Variants in PBX1 observed in about 807,000 individuals in gnomAD.
PBX1 encodes PBX homeobox 1, also known as pre-B-cell leukemia transcription factor 1.
PBX1 carries 6 observed loss-of-function variants against 53.4 expected under a neutral mutation model. The observed-to-expected ratio is 0.11, with a 90% CI of 0.06 to 0.22. PBX1 has a LOEUF of 0.22. Ranked by LOEUF, PBX1 falls within the 10% of genes least tolerant of loss-of-function variation. The probability of loss-of-function intolerance (pLI) is 1.00; values close to 1 mark genes in which losing one functional copy is unlikely to be tolerated. For synonymous variants in PBX1, 204 were observed against 212.3 expected (o/e 0.96, Z 0.34); for missense variants, 251 against 551.4 (o/e 0.46, Z 5.46).
At chr1:164,702,607 G>A (rs1557952952) in intron 2 of PBX1, among the ~76,000 whole-genome samples, 1 of 152,076 alleles carries the variant, frequency 6.6e-6, no homozygotes, top group East Asian at 1.9e-4. Flanking sequence ...GTGCTTGACT[G>A]TGTGCTTCTA....
At chr1:164,564,227 G>T (rs978369366) in intron 2 of PBX1, among the ~76,000 whole-genome samples, 1 of 152,088 alleles carries the variant, frequency 6.6e-6, no homozygotes, top group African/African-American at 2.4e-5. Context: ...TTACCCGCTC[G>T]CTTTAGAGCA....
intron 2 of PBX1, among the ~76,000 whole-genome samples, chr1:164,875,895 T>A (rs971847813): frequency 5.3e-5 from 8 of 151,516 alleles, no homozygotes; most frequent in Non-Finnish European, 8.8e-5. Flanking sequence ...TAATGCTTAT[T>A]TGTATTCATT....
chr1:164,763,485 G>C (rs1666910945), intron 2 of PBX1, among the ~76,000 whole-genome samples: 1 of 152,220 alleles, frequency 6.6e-6, no homozygotes, highest in African/African-American at 2.4e-5. Flanking sequence ...TTACAAGGGA[G>C]TCTTGGACAT....
intron 2 of PBX1, among the ~76,000 whole-genome samples, chr1:164,658,675 G>A (rs10918054): frequency 6.6e-6 from 1 of 152,116 alleles, no homozygotes; most frequent in African/African-American, 2.4e-5. Context: ...TTATGACCTT[G>A]GATGGGCTAT....
At chr1:164,565,742 G>C (rs1188911720) in intron 2 of PBX1, among the ~76,000 whole-genome samples, 2 of 149,936 alleles carry the variant, frequency 1.3e-5, no homozygotes, top group African/African-American at 4.9e-5. Flanking sequence ...CTGTAAAGTT[G>C]CAGGAGCTTT....
chr1:164,690,063 A>G (rs1408643523), intron 2 of PBX1, among the ~76,000 whole-genome samples: 3 of 152,182 alleles, frequency 2.0e-5, no homozygotes, highest in African/African-American at 4.8e-5. Context: ...TTGCAGGGTG[A>G]CATATGGTAC....
intron 2 of PBX1, among the ~76,000 whole-genome samples, chr1:164,748,065 T>C (rs760124100): frequency 6.6e-6 from 1 of 152,128 alleles, no homozygotes. Flanking sequence ...ATGGGCACCA[T>C]TCGTGTTTTT....
chr1:164,701,771 T>C (rs1405293834), intron 2 of PBX1, among the ~76,000 whole-genome samples: 2 of 152,110 alleles, frequency 1.3e-5, no homozygotes. Context: ...GCATTTTGTA[T>C]TTTTTGACCG....
At chr1:164,756,013 AAAG>A (rs1426853124) in intron 2 of PBX1, among the ~76,000 whole-genome samples, 2 of 151,222 alleles carry the variant, frequency 1.3e-5, no homozygotes, top group Non-Finnish European at 3.0e-5. Context: ...AAAAAAAAAA[AAAG>A]AAAGAAAAAA....
chr1:164,846,070 A>G (rs977937398), intron 8 of PBX1, among the ~76,000 whole-genome samples: 3 of 152,014 alleles, frequency 2.0e-5, no homozygotes, highest in Admixed American at 6.6e-5. Context: ...TTATATACCC[A>G]TGAGCATCTA....
At chr1:164,598,781 G>T (rs999188882) in intron 2 of PBX1, among the ~76,000 whole-genome samples, 1 of 152,134 alleles carries the variant, frequency 6.6e-6, no homozygotes, top group East Asian at 1.9e-4. Flanking sequence ...ACCTGAAATA[G>T]CTTGACATTG....
chr1:164,814,833 C>T (rs1440687219), intron 6 of PBX1: 1 of 152,242 alleles, frequency 6.6e-6, no homozygotes, highest in East Asian at 1.9e-4. Context: ...GAGAACAGCA[C>T]TTCAGTAAGA....
chr1:164,638,109 G>A (rs1618566), intron 2 of PBX1, among the ~76,000 whole-genome samples: 45,341 of 152,186 alleles, frequency 0.3, 7,538 homozygotes, highest in Middle Eastern at 0.41. Context: ...AAGGGCACTC[G>A]TACTGCTGCT....
chr1:164,751,314 CAAA>C (rs527755578), intron 2 of PBX1, among the ~76,000 whole-genome samples: 10 of 78,922 alleles, frequency 1.3e-4, no homozygotes, highest in Admixed American at 1.5e-4. Flanking sequence ...GACTCTGTCT[CAAA>C]AAAAAAAAAA....
chr1:164,834,067 G>GTGTGTGTA (rs1558035612), intron 8 of PBX1, among the ~76,000 whole-genome samples: 1 of 149,110 alleles, frequency 6.7e-6, no homozygotes, highest in Non-Finnish European at 1.5e-5. Context: ...GTGTGTGTGT[G>GTGTGTGTA]TGTATTCAGA....
intron 2 of PBX1, among the ~76,000 whole-genome samples, chr1:164,747,861 A>G (rs1281059845): frequency 6.6e-6 from 1 of 152,106 alleles, no homozygotes; most frequent in Non-Finnish European, 1.5e-5. Flanking sequence ...AATTTTGTTT[A>G]GATTGGAGGT....
At chr1:164,770,903 A>C (rs1667332971) in intron 2 of PBX1, 1 of 152,192 alleles carries the variant, frequency 6.6e-6, no homozygotes, top group Non-Finnish European at 1.5e-5. Flanking sequence ...GTGTTGGGCC[A>C]ATCCTTTTCA....
At position 164,847,073 on chromosome 1, in the gene PBX1, A is replaced by T; in HGVS notation, c.*397A>T. ...ATAATAAAAGTGTTTGTACGTTTTC[A>T]TGCTGGTGGTTTGAGGAGCCAAATT... On this transcript the variant is annotated 3_prime_UTR_variant, in exon 9 of 9. Coordinates refer to ENST00000420696, the MANE Select transcript of PBX1 (RefSeq NM_002585.4). The T allele has an allele frequency of 1.8e-6, 2 of 1,101,286 alleles. No individual in the cohort carries two copies. Among genetic ancestry groups the T allele is most frequent in the Non-Finnish European group, 2.2e-6 (2 of 899,196 alleles). The allele number at this position is 1,101,286 out of a possible 1,614,324, so 68.2% of individuals were successfully genotyped here.
At chr1:164,600,816 G>A (rs1402906353) in intron 2 of PBX1, among the ~76,000 whole-genome samples, 1 of 152,154 alleles carries the variant, frequency 6.6e-6, no homozygotes, top group Non-Finnish European at 1.5e-5. Flanking sequence ...TGGTCACACC[G>A]ATCAAGATTG....
Sources: gnomAD v4.1 joint callset for allele counts (sites outside exome capture counted in the v4.1 genomes callset) on GRCh38, gnomAD v4.1.1 for gene constraint, MANE v1.5 for transcripts, NCBI Gene and HGNC (gene_info 2026-07-23, HGNC 2026-07-21) for gene names.